Variants in PRKG1 observed in about 807,000 individuals in gnomAD.
The protein encoded by PRKG1 is cGMP-dependent protein kinase 1.
Under a neutral mutation model 88.1 loss-of-function variants are expected in PRKG1, and 35 were observed. The ratio of observed to expected loss-of-function variants is 0.40; its 90% CI spans 0.30 to 0.53. PRKG1 has a LOEUF of 0.53. Ranked by LOEUF, PRKG1 falls within the 20% of genes least tolerant of loss-of-function variation. PRKG1 has a pLI of 0.59. For missense variants in PRKG1, 540 were observed against 839.8 expected (o/e 0.64, Z 4.41); for synonymous variants, 303 against 292.5 (o/e 1.04, Z -0.37).
chr10:51,018,312 T>C (rs1332041950), intron 1 of PRKG1, among the ~76,000 whole-genome samples: 1 of 152,216 alleles, frequency 6.6e-6, no homozygotes, highest in Non-Finnish European at 1.5e-5. Flanking sequence ...GCATTGGTTC[T>C]TGACACAATG....
chr10:51,148,081 G>A (rs1476628345), intron 1 of PRKG1, among the ~76,000 whole-genome samples: 2 of 152,100 alleles, frequency 1.3e-5, no homozygotes. Flanking sequence ...CTTTCTTATA[G>A]GTATTAATCA....
At chr10:51,920,919 A>G (rs1029011978) in intron 5 of PRKG1, among the ~76,000 whole-genome samples, 1 of 152,118 alleles carries the variant, frequency 6.6e-6, no homozygotes, top group Non-Finnish European at 1.5e-5. Flanking sequence ...TATTTTTAAC[A>G]TGTTGCACTG....
At chr10:51,684,715 A>G (rs1460843023) in intron 3 of PRKG1, among the ~76,000 whole-genome samples, 13 of 151,888 alleles carry the variant, frequency 8.6e-5, no homozygotes, top group Admixed American at 8.5e-4. Context: ...AAAATACAAA[A>G]ACTTAGCTGG....
intron 5 of PRKG1, among the ~76,000 whole-genome samples, chr10:51,928,873 C>T (rs1479540243): frequency 1.3e-5 from 2 of 152,250 alleles, no homozygotes; most frequent in Non-Finnish European, 2.9e-5. Flanking sequence ...TAGTCTAAAA[C>T]GTATACTTCA....
At chr10:51,570,067 A>ATATATATATATATATATGTGTGTG (rs1491310201) in intron 3 of PRKG1, among the ~76,000 whole-genome samples, 2 of 113,080 alleles carry the variant, frequency 1.8e-5, no homozygotes, top group African/African-American at 7.2e-5. Context: ...ATATATATAT[A>ATATATATATATATATATGTGTGTG]TGTGTGTGTG....
chr10:52,273,021 C>G (rs1378875334), intron 12 of PRKG1, among the ~76,000 whole-genome samples: 2 of 151,922 alleles, frequency 1.3e-5, no homozygotes, highest in Non-Finnish European at 2.9e-5. Context: ...AGAAAAGAAT[C>G]CACTTATAAG....
intron 2 of PRKG1, among the ~76,000 whole-genome samples, chr10:51,374,541 C>T (rs959039477): frequency 2.0e-5 from 3 of 151,994 alleles, no homozygotes; most frequent in Non-Finnish European, 2.9e-5. Context: ...GATTAGGTGC[C>T]CTTCTAAAGG....
chr10:52,198,099 G>A (rs1839555120), intron 9 of PRKG1, among the ~76,000 whole-genome samples: 1 of 152,146 alleles, frequency 6.6e-6, no homozygotes, highest in African/African-American at 2.4e-5. Context: ...TGTTATAAAT[G>A]TTCAAATAGT....
chr10:51,021,423 T>C (rs1357592996), intron 1 of PRKG1, among the ~76,000 whole-genome samples: 1 of 152,196 alleles, frequency 6.6e-6, no homozygotes, highest in Non-Finnish European at 1.5e-5. Context: ...TGCTAGAACT[T>C]GCTACCAAAT....
intron 3 of PRKG1, among the ~76,000 whole-genome samples, chr10:51,611,836 G>T (rs10998486): frequency 0.32 from 49,077 of 151,896 alleles, 8,990 homozygotes; most frequent in Middle Eastern, 0.44. Flanking sequence ...TAGAAATGCA[G>T]TTTCATTCTT....
At chr10:51,315,584 C>T (rs563818184) in intron 2 of PRKG1, among the ~76,000 whole-genome samples, 5 of 152,174 alleles carry the variant, frequency 3.3e-5, no homozygotes, top group South Asian at 2.1e-4. Context: ...ACTGACTATC[C>T]GGTTTAATCC....
At chr10:51,324,571 C>CAAAAAAA (rs34429733) in intron 2 of PRKG1, among the ~76,000 whole-genome samples, 8 of 84,448 alleles carry the variant, frequency 9.5e-5, no homozygotes, top group Admixed American at 1.3e-4. Context: ...ACTAAAAATA[C>CAAAAAAA]AAAAAAAAAA....
intron 5 of PRKG1, among the ~76,000 whole-genome samples, chr10:51,950,455 G>A (rs778667522): frequency 6.0e-4 from 92 of 152,118 alleles, no homozygotes; most frequent in Non-Finnish European, 3.8e-4. Context: ...ATTTTCTTTC[G>A]GCCACTTTGC....
intron 2 of PRKG1, among the ~76,000 whole-genome samples, chr10:51,361,056 C>T (rs1027496018): frequency 2.0e-5 from 3 of 151,776 alleles, no homozygotes. Context: ...TTCTCAGCTC[C>T]AGTAAAAAGG....
rs111608700 is a variant in PRKG1, at chr10:51,068,833, C to T, written c.266+77189C>T. Reference sequence around the variant, plus strand: ...ATTTATCATACAGGTATGTTGCATGCTCATGTACATATTCATTACGCTTCA... The same window carrying T: ...ATTTATCATACAGGTATGTTGCATGTTCATGTACATATTCATTACGCTTCA... On this transcript the variant is annotated intron_variant, in intron 1 of 17. Transcript: ENST00000401604. 5.9e-4 allele frequency among the ~76,000 whole-genome samples: 89 copies of T among 152,048 alleles called. 1 individual carries two copies. Among genetic ancestry groups the T allele is most frequent in the African/African-American group, 2.0e-3 (82 of 41,530 alleles).
chr10:51,203,170 A>G (rs920693326), intron 2 of PRKG1, among the ~76,000 whole-genome samples: 1 of 152,118 alleles, frequency 6.6e-6, no homozygotes, highest in African/African-American at 2.4e-5. Flanking sequence ...GCCTTCCCCA[A>G]AGTGGAATTG....
intron 8 of PRKG1, among the ~76,000 whole-genome samples, chr10:52,140,684 T>C (rs1445160672): frequency 6.6e-6 from 1 of 152,116 alleles, no homozygotes; most frequent in Non-Finnish European, 1.5e-5. Flanking sequence ...AGAAGAATCT[T>C]TCAGAATGTC....
intron 10 of PRKG1, among the ~76,000 whole-genome samples, chr10:52,266,146 G>A (rs1040094143): frequency 5.9e-5 from 9 of 151,384 alleles, no homozygotes; most frequent in East Asian, 1.9e-4. Flanking sequence ...GACAACTTAC[G>A]TTAGTATGGT....
chr10:51,863,311 C>G (rs184919574), intron 4 of PRKG1, among the ~76,000 whole-genome samples: 2 of 152,192 alleles, frequency 1.3e-5, no homozygotes, highest in African/African-American at 4.8e-5. Context: ...GATTCTTAAG[C>G]AATCTCTATC....
Sources: gnomAD v4.1 joint callset for allele counts (sites outside exome capture counted in the v4.1 genomes callset) on GRCh38, gnomAD v4.1.1 for gene constraint, MANE v1.5 for transcripts, NCBI Gene and HGNC (gene_info 2026-07-23, HGNC 2026-07-21) for gene names.